The following NAT10 variants were observed in gnomAD, a reference collection of about 807,000 sequenced individuals.
NAT10 encodes the protein N-acetyltransferase 10.
Under a neutral mutation model 132.2 loss-of-function variants are expected in NAT10, and 109 were observed. That is an observed-to-expected ratio of 0.82 (90% CI 0.71 to 0.97). The LOEUF (loss-of-function observed/expected upper bound fraction) is 0.97. Ranked by LOEUF, NAT10 falls within the 50% of genes least tolerant of loss-of-function variation. The pLI is 0.00. For missense variants in NAT10, 1,184 were observed against 1,263.4 expected (o/e 0.94, Z 0.95); for synonymous variants, 479 against 478.0 (o/e 1.00, Z -0.03).
rs1197102358 is a variant in NAT10, at chr11:34,133,097, G to GC, written c.1695dup (p.Thr566HisfsTer17). On this transcript the variant is annotated frameshift_variant, in exon 16 of 29. Coordinates refer to ENST00000257829, the MANE Select transcript of NAT10 (RefSeq NM_024662.3). LOFTEE classifies it high-confidence loss of function. ...ATCTCTTCTGCCTTCTGCCTCCCGT[G>GC]CCCCCCACCCAGAATGCCCTTCCAG... 3.1e-6 allele frequency: 5 copies of GC among 1,613,990 alleles called. No homozygotes were observed. The highest frequency in any genetic ancestry group is 4.5e-5 in the East Asian group (2 of 44,876).
intron 8 of NAT10, among the ~76,000 whole-genome samples, chr11:34,121,528 A>G (rs1320782734): frequency 6.6e-6 from 1 of 152,032 alleles, no homozygotes; most frequent in Non-Finnish European, 1.5e-5. Context: ...GTAGTGTACA[A>G]ATGGGAATGT....
chr11:34,141,875 G>A, intron 26 of NAT10, 58 bp downstream of exon 26: 1 of 1,412,478 alleles, frequency 7.1e-7, no homozygotes, highest in Non-Finnish European at 1.0e-6. Flanking sequence ...GCCTTAGGCT[G>A]TGAATTCAGA....
At chr11:34,142,151 A>G in intron 26 of NAT10, 124 bp from the exon 27 acceptor site, 1 of 890,750 alleles carries the variant, frequency 1.1e-6, no homozygotes, top group Non-Finnish European at 1.8e-6. Context: ...AGGTTTTTGC[A>G]GGTAGATGGA....
In NAT10 at chr11:34,143,510, C is replaced by T. The variant is rs143930117; in HGVS notation, c.2951C>T (p.Ser984Leu). 146 of 1,613,886 alleles carry T rather than the reference C, an allele frequency of 9.0e-5. No individual in the cohort carries two copies. The highest frequency in any genetic ancestry group is 1.2e-4 in the Non-Finnish European group (139 of 1,179,972). ...TTGAACAAAGCTGGGCCGAACGCCT[C>T]GATCATCAGCCTGAAAAGGTGAGGG... The part of the protein sequence containing the change: ...EVLNKAGPNA[S>L]IISLKSDKKR... The change falls in exon 28 of 29, where the codon TCG becomes TTG. Residue 984 changes from serine to leucine, a missense_variant. By Grantham distance (145) the Ser-to-Leu change is moderately radical. Coordinates refer to ENST00000257829, the MANE Select transcript of NAT10 (RefSeq NM_024662.3).
Position 34,139,292 on chromosome 11 carries a change from C to A in NAT10, c.2308+5C>A. On this transcript the variant is annotated splice_donor_5th_base_variant and intron_variant, in intron 22 of 28. Coordinates refer to ENST00000257829, the MANE Select transcript of NAT10 (RefSeq NM_024662.3). ...GGCTTGCAGCCTTCTGGAAAGGTGA[C>A]TGAGGAGTAGGGGTTTGGGGGAGAC... 1 of 1,613,778 alleles carries A rather than the reference C, an allele frequency of 6.2e-7. No homozygotes were observed. The highest frequency in any genetic ancestry group is 8.5e-7 in the Non-Finnish European group (1 of 1,179,854).
At chr11:34,129,084 A>G (rs1458370106) in intron 12 of NAT10, among the ~76,000 whole-genome samples, 4 of 152,086 alleles carry the variant, frequency 2.6e-5, no homozygotes, top group Non-Finnish European at 5.9e-5. Flanking sequence ...CTTGGATATT[A>G]TTAATAATCT....
chr11:34,117,558 A>C (rs920757096), intron 6 of NAT10, among the ~76,000 whole-genome samples: 3 of 152,200 alleles, frequency 2.0e-5, no homozygotes, highest in Non-Finnish European at 4.4e-5. Flanking sequence ...GTGATGCACT[A>C]AGTCAGTAGA....
chr11:34,142,401 T>A, intron 27 of NAT10, 53 bp downstream of exon 27: 1 of 1,508,046 alleles, frequency 6.6e-7, no homozygotes, highest in Non-Finnish European at 9.2e-7. Flanking sequence ...GCCCTAAGAA[T>A]CTGCCTACAC....
intron 6 of NAT10, among the ~76,000 whole-genome samples, chr11:34,116,884 C>T (rs566514467): frequency 6.6e-6 from 1 of 152,192 alleles, no homozygotes; most frequent in East Asian, 1.9e-4. Context: ...TATGAGCCAC[C>T]GTGCCTGGCC....
chr11:34,130,562 C>G (rs1852086317), intron 12 of NAT10, among the ~76,000 whole-genome samples: 1 of 152,242 alleles, frequency 6.6e-6, no homozygotes, highest in East Asian at 1.9e-4. Context: ...AGATTCAGCT[C>G]CTTGCCCAAA....
chr11:34,127,816 A>G (rs907463593), intron 12 of NAT10, among the ~76,000 whole-genome samples: 1 of 152,230 alleles, frequency 6.6e-6, no homozygotes, highest in African/African-American at 2.4e-5. Flanking sequence ...TGGGCAGTGT[A>G]AGACTGAAGA....
At chr11:34,108,925 G>A (rs1851645325) in intron 3 of NAT10, 92 bp downstream of exon 3, 2 of 1,076,882 alleles carry the variant, frequency 1.9e-6, no homozygotes, top group Non-Finnish European at 2.7e-6. Context: ...ATTTTTTAAG[G>A]GTCTTTAGTG....
chr11:34,143,987 C>T (rs1177730519), intron 28 of NAT10, among the ~76,000 whole-genome samples: 2 of 152,228 alleles, frequency 1.3e-5, no homozygotes. Flanking sequence ...GTCCAGGTTT[C>T]TCCACTGCAA....
At chr11:34,134,476 G>A in intron 17 of NAT10, 36 bp from the exon 18 acceptor site, 9 of 1,613,974 alleles carry the variant, frequency 5.6e-6, no homozygotes, top group Non-Finnish European at 7.6e-6. Context: ...AAAGATGTCT[G>A]TGTTGCTAAG....
intron 5 of NAT10, among the ~76,000 whole-genome samples, chr11:34,114,612 C>T (rs930160528): frequency 6.6e-6 from 1 of 152,160 alleles, no homozygotes; most frequent in African/African-American, 2.4e-5. Flanking sequence ...CACACTCCTG[C>T]GAGGGCCTCG....
intron 8 of NAT10, among the ~76,000 whole-genome samples, chr11:34,119,087 C>T (rs1851838874): frequency 2.0e-5 from 3 of 152,226 alleles, no homozygotes. Context: ...CAGTGCGAGG[C>T]CTGATGAGGG....
chr11:34,116,116 C>T (rs535371443), intron 6 of NAT10, among the ~76,000 whole-genome samples: 2 of 152,286 alleles, frequency 1.3e-5, no homozygotes, highest in South Asian at 2.1e-4. Context: ...CTTGACAGCT[C>T]AGTTAAACCA....
At position 34,139,246 on chromosome 11, in the gene NAT10, A is replaced by G. The variant is rs1029631063; in HGVS notation, c.2267A>G (p.Asp756Gly). The change falls in exon 22 of 29, where the codon GAT becomes GGT. Residue 756 changes from aspartate to glycine, a missense_variant. Physicochemically the swap from Asp to Gly is moderately conservative, Grantham distance 94. Coordinates refer to ENST00000257829, the MANE Select transcript of NAT10 (RefSeq NM_024662.3). ...CIMLKTLTDEDEADQGGWLAA... is the reference protein window; with the variant it reads ...CIMLKTLTDEGEADQGGWLAA... ...ATGCTGAAGACGCTCACTGATGAGG[A>G]TGAGGCTGACCAGGGAGGCTGGCTT... is the stretch of plus-strand genomic sequence containing the variant. The G allele has an allele frequency of 5.6e-6, 9 of 1,614,024 alleles. No homozygotes were observed. Among genetic ancestry groups the G allele is most frequent in the African/African-American group, 1.3e-5 (1 of 75,016 alleles).
Position 34,142,290 on chromosome 11 carries a change from G to A in NAT10, c.2827G>A (p.Glu943Lys). 6.2e-7 allele frequency: 1 copy of A among 1,614,104 alleles called. No homozygotes were observed. The highest frequency in any genetic ancestry group is 8.5e-7 in the Non-Finnish European group (1 of 1,180,002). The part of the protein sequence containing the change: ...LSDDLDEAAK[E>K]FQEKHKKEVG... ...TTAACCACAGGATGAAGCAGCAAAG[G>A]AATTTCAGGAGAAACACAAGAAGGA... The change falls in exon 27 of 29, where the codon GAA becomes AAA. Residue 943 changes from glutamate (E) to lysine (K), a missense_variant. Physicochemically the swap from Glu to Lys is moderately conservative, Grantham distance 56. Transcript: ENST00000257829.
Sources: gnomAD v4.1 joint callset for allele counts (sites outside exome capture counted in the v4.1 genomes callset) on GRCh38, gnomAD v4.1.1 for gene constraint, MANE v1.5 for transcripts, NCBI Gene and HGNC (gene_info 2026-07-23, HGNC 2026-07-21) for gene names.